The following COG5 variants were observed in gnomAD, a reference collection of about 807,000 sequenced individuals.
COG5 encodes the protein component of oligomeric golgi complex 5.
COG5 carries 86 observed loss-of-function variants against 110.4 expected under a neutral mutation model. That is an observed-to-expected ratio of 0.78 (90% CI 0.65 to 0.93). COG5 has a LOEUF of 0.93. Ranked by LOEUF, COG5 falls within the 40% of genes least tolerant of loss-of-function variation. COG5 has a pLI of 0.00. For missense variants in COG5, 1,077 were observed against 987.0 expected (o/e 1.09, Z -1.22); for synonymous variants, 360 against 334.6 (o/e 1.08, Z -0.83).
intron 10 of COG5, among the ~76,000 whole-genome samples, chr7:107,346,695 T>C (rs1811636682): frequency 6.8e-6 from 1 of 147,418 alleles, no homozygotes; most frequent in Non-Finnish European, 1.5e-5. Context: ...CAGGAGGATA[T>C]TTTTTTTCTT....
intron 21 of COG5, among the ~76,000 whole-genome samples, chr7:107,207,601 A>G (rs1036453280): frequency 1.3e-5 from 2 of 151,886 alleles, no homozygotes; most frequent in African/African-American, 4.8e-5. Flanking sequence ...TCCATCAAAG[A>G]CTCTATCTTT....
intron 6 of COG5, among the ~76,000 whole-genome samples, chr7:107,442,200 G>C (rs1458688213): frequency 6.6e-6 from 1 of 152,132 alleles, no homozygotes; most frequent in Admixed American, 6.5e-5. Flanking sequence ...GTTTAAAAGT[G>C]TGCAGCACTT....
intron 10 of COG5, among the ~76,000 whole-genome samples, chr7:107,325,279 C>T (rs1809664665): frequency 2.0e-5 from 3 of 152,234 alleles, no homozygotes; most frequent in South Asian, 4.1e-4. Context: ...GATACATCCA[C>T]ATGTGTGGTA....
intron 18 of COG5, among the ~76,000 whole-genome samples, chr7:107,233,848 A>G (rs1044646338): frequency 6.6e-6 from 1 of 152,218 alleles, no homozygotes; most frequent in Non-Finnish European, 1.5e-5. Context: ...TGACCCTCGA[A>G]AAACACTTTC....
At chr7:107,298,044 T>G in intron 12 of COG5, 98 bp downstream of exon 12, 1 of 508,540 alleles carries the variant, frequency 2.0e-6, no homozygotes, top group Non-Finnish European at 3.1e-6. Flanking sequence ...AGACTTGGTA[T>G]ATACTTAATT....
At chr7:107,401,964 C>A (rs1791463948) in intron 7 of COG5, among the ~76,000 whole-genome samples, 1 of 152,178 alleles carries the variant, frequency 6.6e-6, no homozygotes, top group Non-Finnish European at 1.5e-5. Flanking sequence ...ATAGAGCTCA[C>A]TGAACACAAT....
At chr7:107,262,152 A>G (rs191478971) in intron 14 of COG5, among the ~76,000 whole-genome samples, 27 of 152,184 alleles carry the variant, frequency 1.8e-4, no homozygotes, top group Admixed American at 1.2e-3. Flanking sequence ...CAGACTCCCA[A>G]CATGCTGGGA....
chr7:107,218,167 C>G (rs1012833861), intron 19 of COG5, among the ~76,000 whole-genome samples: 5 of 151,888 alleles, frequency 3.3e-5, no homozygotes, highest in African/African-American at 1.2e-4. Flanking sequence ...AAGATTTGTA[C>G]ACTAAAAACC....
chr7:107,551,523 G>A (rs1264738121), intron 3 of COG5, among the ~76,000 whole-genome samples: 1 of 152,150 alleles, frequency 6.6e-6, no homozygotes, highest in African/African-American at 2.4e-5. Flanking sequence ...TTTCTAATAT[G>A]TATACACACC....
chr7:107,515,616 G>A (rs919990260), intron 6 of COG5, among the ~76,000 whole-genome samples: 4 of 152,140 alleles, frequency 2.6e-5, no homozygotes, highest in Admixed American at 2.6e-4. Flanking sequence ...AGTATCCATC[G>A]ATGGGAGGTG....
chr7:107,431,012 CAAAA>C (rs551597553), intron 6 of COG5, among the ~76,000 whole-genome samples: 1 of 151,600 alleles, frequency 6.6e-6, no homozygotes, highest in Non-Finnish European at 1.5e-5. Flanking sequence ...AACAAACAAA[CAAAA>C]AAAACAAAAC....
chr7:107,258,740 G>A (rs1484588320), intron 14 of COG5: 2 of 185,044 alleles, frequency 1.1e-5, no homozygotes, highest in African/African-American at 2.4e-5. Flanking sequence ...GTAATCCTAA[G>A]GAATACCTTC....
At chr7:107,292,032 T>G (rs1806220329) in intron 12 of COG5, among the ~76,000 whole-genome samples, 1 of 152,146 alleles carries the variant, frequency 6.6e-6, no homozygotes, top group Non-Finnish European at 1.5e-5. Flanking sequence ...TTTCTTTGCC[T>G]TTCTTTTTCT....
At chr7:107,298,992 A>T (rs902014606) in intron 11 of COG5, among the ~76,000 whole-genome samples, 1 of 152,192 alleles carries the variant, frequency 6.6e-6, no homozygotes, top group Non-Finnish European at 1.5e-5. Flanking sequence ...ACTGAACGAA[A>T]ATTTTAACGC....
intron 14 of COG5, among the ~76,000 whole-genome samples, chr7:107,275,803 C>T (rs1335521247): frequency 1.3e-5 from 2 of 151,566 alleles, no homozygotes; most frequent in Admixed American, 1.3e-4. Flanking sequence ...GGATTATAGG[C>T]ATGAGCCACC....
chr7:107,431,939 G>A (rs1031433906), intron 6 of COG5, among the ~76,000 whole-genome samples: 11 of 152,046 alleles, frequency 7.2e-5, no homozygotes, highest in African/African-American at 2.7e-4. Flanking sequence ...TTAAAGGTAC[G>A]AACCTGCCCA....
intron 19 of COG5, 32 bp from the exon 20 acceptor site, chr7:107,211,257 T>A: frequency 6.2e-7 from 1 of 1,609,078 alleles, no homozygotes; most frequent in Non-Finnish European, 8.5e-7. Context: ...TATTTCACAC[T>A]GTTCAATACT....
In COG5 at chr7:107,299,072, G is replaced by C. The variant is rs371789355; in HGVS notation, c.1109-726C>G. ...GAAATTTATGCAAATATTTACATTT[G>C]AAAAGAAGAAAAGTTTCAAATCAAT... On this transcript the variant is annotated intron_variant, in intron 11 of 21. Transcript: ENST00000297135. Among the ~76,000 whole-genome samples, 76 of 152,086 alleles carry C rather than the reference G, an allele frequency of 5.0e-4. No individual in the cohort carries two copies. The East Asian group carries it at 0.014, about 27-fold the overall frequency.
At chr7:107,409,330 G>A (rs998177413) in intron 7 of COG5, among the ~76,000 whole-genome samples, 1 of 150,962 alleles carries the variant, frequency 6.6e-6, no homozygotes, top group Non-Finnish European at 1.5e-5. Context: ...TCAAAAATTT[G>A]AGAAAAGAAA....
Sources: allele counts gnomAD v4.1 joint callset (sites outside exome capture counted in the v4.1 genomes callset), GRCh38; gene constraint gnomAD v4.1.1; transcripts MANE v1.5; gene names NCBI Gene and HGNC (gene_info 2026-07-23, HGNC 2026-07-21).